AGBL1: variants seen among roughly 807,000 people sequenced by gnomAD.
AGBL1 encodes the protein AGBL carboxypeptidase 1.
A neutral mutation model predicts 118.9 loss-of-function variants in AGBL1; 130 were observed. That is an observed-to-expected ratio of 1.09 (90% CI 0.95 to 1.26). AGBL1 has a LOEUF of 1.26. Ranked by LOEUF, AGBL1 falls within the 50% of genes most tolerant of loss-of-function variation. The pLI, the probability that AGBL1 is intolerant of heterozygous loss-of-function variation, is 0.00. For missense variants in AGBL1, 1,584 were observed against 1,298.1 expected, an observed-to-expected ratio of 1.22 and a Z score of -3.38; for synonymous variants, 555 against 478.9, an observed-to-expected ratio of 1.16 and a Z score of -2.08.
intron 18 of AGBL1, among the ~76,000 whole-genome samples, chr15:86,409,302 T>C (rs1391786778): frequency 6.6e-6 from 1 of 152,208 alleles, no homozygotes; most frequent in African/African-American, 2.4e-5. Context: ...ACACTCAATC[T>C]TTCTGATGAA....
downstream of AGBL1, among the ~76,000 whole-genome samples, chr15:86,917,276 C>T (rs1008132538): frequency 6.6e-6 from 1 of 152,196 alleles, no homozygotes; most frequent in Non-Finnish European, 1.5e-5. This position sits in a 1 kb window ranked among gnomAD's most constrained non-coding sequence, Gnocchi z 4.8. Context: ...AGAGTTCTTT[C>T]ACAGTCCCTC....
At chr15:86,466,724 G>A (rs1194508685) in intron 18 of AGBL1, among the ~76,000 whole-genome samples, 1 of 152,142 alleles carries the variant, frequency 6.6e-6, no homozygotes, top group Non-Finnish European at 1.5e-5. Context: ...CTTTCTGTTT[G>A]TTAGTTTGTA....
chr15:86,497,438 C>A lies in AGBL1; in HGVS notation c.2556-25372C>A, dbSNP rs1596191152. Among the ~76,000 whole-genome samples, 6 of 152,064 alleles carry A rather than the reference C, an allele frequency of 3.9e-5. 1 individual carries two copies. In the South Asian group the frequency reaches 1.2e-3, roughly 32 times the overall value. Reference sequence around the variant, plus strand: ...TTATTTATTGTTACTACTCTTAAATCTACTCACAATATAATTGCCATTGCT... The same window carrying A: ...TTATTTATTGTTACTACTCTTAAATATACTCACAATATAATTGCCATTGCT... On this transcript the variant is annotated intron_variant, in intron 18 of 22. Coordinates refer to ENST00000614907, the MANE Select transcript of AGBL1 (RefSeq NM_001386094.1).
chr15:86,264,439 G>T lies in AGBL1; in HGVS notation c.1268G>T (p.Arg423Met), dbSNP rs994140429. The change falls in exon 11 of 23, where the codon AGG becomes ATG. Residue 423 changes from arginine to methionine, a missense_variant. Arg to Met is a moderately conservative substitution (Grantham distance 91). Coordinates refer to ENST00000614907, the MANE Select transcript of AGBL1 (RefSeq NM_001386094.1). ...CTTCTGTGCAGGGTGAAGACGGGAA[G>T]GTCCACTGTGCATCTAGGCTCCAAA... is the stretch of plus-strand genomic sequence containing the variant. ...TSLLCRVKTG[R>M]STVHLGSKKN... 11 of 1,613,964 alleles carry T rather than the reference G, an allele frequency of 6.8e-6. No individual in the cohort carries two copies. In the Admixed American group the frequency reaches 1.0e-4, roughly 15 times the overall value.
chr15:86,929,687 G>C (rs1344709674), intron 23 of AGBL1, among the ~76,000 whole-genome samples: 1 of 152,218 alleles, frequency 6.6e-6, no homozygotes, highest in African/African-American at 2.4e-5. Flanking sequence ...CTATCCATCA[G>C]CCTGGTGATC....
chr15:86,788,183 G>A (rs896946764), intron 22 of AGBL1, among the ~76,000 whole-genome samples: 4 of 152,176 alleles, frequency 2.6e-5, no homozygotes, highest in Non-Finnish European at 5.9e-5. Flanking sequence ...CCAAGCCCTT[G>A]GAAGGACTTA....
chr15:86,336,787 A>G (rs1437434914), intron 17 of AGBL1, among the ~76,000 whole-genome samples: 1 of 152,224 alleles, frequency 6.6e-6, no homozygotes, highest in African/African-American at 2.4e-5. Context: ...CATAGCTCTG[A>G]TAGTTAGTTC....
At chr15:86,927,164 TAATAA>T (rs887012196) in intron 23 of AGBL1, among the ~76,000 whole-genome samples, 30 of 150,336 alleles carry the variant, frequency 2.0e-4, no homozygotes, top group South Asian at 1.7e-3. Flanking sequence ...AATAAATAAA[TAATAA>T]AATAAAATAA....
intron 17 of AGBL1, among the ~76,000 whole-genome samples, chr15:86,353,830 G>A (rs147890806): frequency 2.8e-4 from 42 of 152,268 alleles, no homozygotes; most frequent in Non-Finnish European, 4.9e-4. Context: ...AAAAACACCC[G>A]AGAGATGAGA....
intron 22 of AGBL1, among the ~76,000 whole-genome samples, chr15:86,890,241 T>C (rs2080033952): frequency 6.7e-6 from 1 of 148,532 alleles, no homozygotes; most frequent in African/African-American, 2.6e-5. Flanking sequence ...TTTTTAATGT[T>C]TTTTTTCTTG....
At chr15:86,390,631 A>T (rs2081262538) in intron 17 of AGBL1, among the ~76,000 whole-genome samples, 1 of 150,176 alleles carries the variant, frequency 6.7e-6, no homozygotes, top group African/African-American at 2.4e-5. Flanking sequence ...AAGTTAAAGA[A>T]GCCAGGCAGA....
At chr15:86,366,796 T>C (rs2080893887) in intron 17 of AGBL1, among the ~76,000 whole-genome samples, 1 of 152,188 alleles carries the variant, frequency 6.6e-6, no homozygotes. Context: ...AAACAAACTA[T>C]ATGATCTTGG....
chr15:86,631,429 A>G (rs1305005026), intron 21 of AGBL1, among the ~76,000 whole-genome samples: 1 of 152,218 alleles, frequency 6.6e-6, no homozygotes, highest in Non-Finnish European at 1.5e-5. Context: ...AAAGGAACTC[A>G]GAGGGGCTGA....
chr15:86,943,583 A>G (rs927498010), intron 23 of AGBL1, among the ~76,000 whole-genome samples: 15 of 152,032 alleles, frequency 9.9e-5, no homozygotes, highest in Admixed American at 4.6e-4. Flanking sequence ...TGGCCACCCC[A>G]CCCTAATCTT....
Position 86,204,838 on chromosome 15 carries a change from C to T in AGBL1, c.489-20076C>T, listed in dbSNP as rs146048101. ...CTCCTGACCTCAGGTGATCCACCTG[C>T]CTTGGCCTCTCAAAGTTCTGGGACT... On this transcript the variant is annotated intron_variant, in intron 5 of 22. Transcript: ENST00000614907. Among the ~76,000 whole-genome samples the T allele has an allele frequency of 3.3e-3, 497 of 152,278 alleles. 1 individual carries two copies. Among genetic ancestry groups the T allele is most frequent in the African/African-American group, 0.012 (488 of 41,552 alleles).
At chr15:86,978,341 T>C (rs2081195485) in intron 23 of AGBL1, among the ~76,000 whole-genome samples, 1 of 152,204 alleles carries the variant, frequency 6.6e-6, no homozygotes, top group African/African-American at 2.4e-5. Flanking sequence ...ATTGTAAGTT[T>C]CAGTTAGGGC....
chr15:86,883,532 G>A (rs141488537), intron 22 of AGBL1, among the ~76,000 whole-genome samples: 44 of 152,276 alleles, frequency 2.9e-4, no homozygotes, highest in African/African-American at 1.0e-3. Flanking sequence ...CCCTGACAGA[G>A]TTACTGATTC....
chr15:86,263,867 G>A (rs1434039061), intron 10 of AGBL1, among the ~76,000 whole-genome samples: 1 of 152,172 alleles, frequency 6.6e-6, no homozygotes, highest in East Asian at 1.9e-4. Context: ...CAGAAGGATG[G>A]TTTCAGGGAA....
rs573254022 is a variant in AGBL1 at position 86,689,349 on chromosome 15, A to G, written c.3158+14913A>G. 3.5e-4 allele frequency among the ~76,000 whole-genome samples: 54 copies of G among 152,226 alleles called. No homozygotes were observed. In the South Asian group the frequency reaches 6.6e-3, roughly 19 times the overall value. On this transcript the variant is annotated intron_variant, in intron 22 of 22. Transcript: ENST00000614907. ...AGCCACTCCTACTGTAAGGCCTCTA[A>G]TTTAGTATTATCTGTCTCCTCCAGC...
Sources: gnomAD v4.1 joint callset for allele counts (sites outside exome capture counted in the v4.1 genomes callset) on GRCh38, gnomAD v4.1.1 for gene constraint, Gnocchi (gnomAD v3.1) non-coding constraint, MANE v1.5 for transcripts, NCBI Gene and HGNC (gene_info 2026-07-23, HGNC 2026-07-21) for gene names.